The following KCNIP4 variants were observed in gnomAD, a reference collection of about 807,000 sequenced individuals.
The protein encoded by KCNIP4 is potassium voltage-gated channel interacting protein 4.
KCNIP4 carries 12 observed loss-of-function variants against 34.0 expected under a neutral mutation model. The ratio of observed to expected loss-of-function variants is 0.35; its 90% CI spans 0.23 to 0.57. The LOEUF (loss-of-function observed/expected upper bound fraction) is 0.57. Ranked by LOEUF, KCNIP4 falls within the 20% of genes least tolerant of loss-of-function variation. The pLI is 0.83. For missense variants in KCNIP4, 238 were observed against 311.7 expected (o/e 0.76, Z 1.78); for synonymous variants, 124 against 102.2 (o/e 1.21, Z -1.29).
intron 1 of KCNIP4, among the ~76,000 whole-genome samples, chr4:21,702,352 T>G (rs954342547): frequency 1.3e-5 from 2 of 152,106 alleles, no homozygotes; most frequent in Non-Finnish European, 2.9e-5. Context: ...CAAAACCCAA[T>G]GACCTCCAAA....
chr4:21,765,182 G>A (rs1239445366), intron 1 of KCNIP4, among the ~76,000 whole-genome samples: 2 of 141,572 alleles, frequency 1.4e-5, no homozygotes, highest in African/African-American at 5.2e-5. Context: ...CCGAGACAGA[G>A]TCTTGCTCTG....
chr4:21,932,052 C>T (rs1729599369), intron 1 of KCNIP4, among the ~76,000 whole-genome samples: 1 of 152,036 alleles, frequency 6.6e-6, no homozygotes, highest in Admixed American at 6.6e-5. Flanking sequence ...ACCCACACTG[C>T]ATGGATTCAA....
intron 5 of KCNIP4, among the ~76,000 whole-genome samples, chr4:20,746,550 G>T (rs934716585): frequency 1.3e-5 from 2 of 151,870 alleles, no homozygotes; most frequent in African/African-American, 4.8e-5. Flanking sequence ...ACTGATAACT[G>T]CTATAGTTAA....
intron 1 of KCNIP4, among the ~76,000 whole-genome samples, chr4:20,894,339 G>T (rs1026105049): frequency 4.6e-5 from 7 of 152,126 alleles, no homozygotes; most frequent in African/African-American, 1.7e-4. Context: ...GGATTACAAG[G>T]TGTATTTTCG....
chr4:21,334,547 C>T (rs1434649757), intron 1 of KCNIP4, among the ~76,000 whole-genome samples: 1 of 151,920 alleles, frequency 6.6e-6, no homozygotes, highest in Non-Finnish European at 1.5e-5. Flanking sequence ...AAAATTTACC[C>T]ACTTAAGTGT....
intron 1 of KCNIP4, among the ~76,000 whole-genome samples, chr4:21,443,166 A>G (rs1469848325): frequency 1.3e-5 from 2 of 152,172 alleles, no homozygotes; most frequent in African/African-American, 4.8e-5. Context: ...CATTGAAATA[A>G]TCTTCCAGCT....
intron 1 of KCNIP4, among the ~76,000 whole-genome samples, chr4:21,234,678 C>T (rs906274651): frequency 6.1e-5 from 9 of 148,720 alleles, no homozygotes; most frequent in African/African-American, 2.2e-4. Flanking sequence ...TAGTCAGACC[C>T]TCACTGTCAC....
chr4:21,039,495 A>G (rs1741763485), intron 1 of KCNIP4, among the ~76,000 whole-genome samples: 1 of 152,162 alleles, frequency 6.6e-6, no homozygotes, highest in South Asian at 2.1e-4. Flanking sequence ...ATTCTACTTT[A>G]TAGTACTCTA....
rs1392434479 is a variant in KCNIP4, at chr4:21,504,508, G to GAAAGAAAGAAAGA, written c.61+444062_61+444063insTCTTTCTTTCTTT. On this transcript the variant is annotated intron_variant, in intron 1 of 8. Transcript: ENST00000382152. ...GAAAGAAAGAAAGAAAGAAAGAAAG[G>GAAAGAAAGAAAGA]AAGGAAGGAAGAAAGCAAGCAAGCA... Among the ~76,000 whole-genome samples the GAAAGAAAGAAAGA allele has an allele frequency of 1.4e-3, 173 of 121,650 alleles. 1 individual carries two copies. The highest frequency in any genetic ancestry group is 5.2e-3 in the African/African-American group (171 of 32,906). 79.8% of individuals were successfully genotyped at this position (121,650 alleles called of 152,430 possible).
intron 1 of KCNIP4, chr4:21,844,000 A>G (rs1723850802): frequency 6.6e-6 from 1 of 152,074 alleles, no homozygotes; most frequent in Non-Finnish European, 1.5e-5. Context: ...ATAGTAACTG[A>G]AAGGAATAGT....
chr4:21,477,705 T>C (rs1039233578), intron 1 of KCNIP4, among the ~76,000 whole-genome samples: 11 of 152,222 alleles, frequency 7.2e-5, no homozygotes, highest in Non-Finnish European at 1.5e-4. Flanking sequence ...AAAATATTTA[T>C]GAATGGGTGT....
intron 1 of KCNIP4, among the ~76,000 whole-genome samples, chr4:21,837,824 T>A (rs1723446270): frequency 6.6e-6 from 1 of 152,122 alleles, no homozygotes. Context: ...AAGCTGATTA[T>A]CTGCCATTGC....
At chr4:21,228,177 G>T (rs138792929) in intron 1 of KCNIP4, among the ~76,000 whole-genome samples, 3,124 of 152,234 alleles carry the variant, frequency 0.021, 50 homozygotes, top group Non-Finnish European at 0.03. Context: ...CAGTGTTGGA[G>T]AAGGGGCCTA....
intron 4 of KCNIP4, among the ~76,000 whole-genome samples, chr4:20,754,767 A>G (rs1399663934): frequency 6.6e-6 from 1 of 152,184 alleles, no homozygotes; most frequent in Non-Finnish European, 1.5e-5. Flanking sequence ...GTTTAAGAAG[A>G]TGTTCTCTAA....
chr4:21,704,065 G>A (rs1360039393), intron 1 of KCNIP4, among the ~76,000 whole-genome samples: 3 of 152,144 alleles, frequency 2.0e-5, no homozygotes, highest in Admixed American at 2.0e-4. Context: ...TGCAAGAGCA[G>A]CTATTCAGTA....
At chr4:21,744,080 C>A (rs1371834033) in intron 1 of KCNIP4, among the ~76,000 whole-genome samples, 1 of 152,082 alleles carries the variant, frequency 6.6e-6, no homozygotes, top group African/African-American at 2.4e-5. Context: ...GCTACTACTG[C>A]AATGTCAAAT....
chr4:21,294,322 GAT>G (rs1307732521), intron 1 of KCNIP4, among the ~76,000 whole-genome samples: 1 of 152,088 alleles, frequency 6.6e-6, no homozygotes, highest in Non-Finnish European at 1.5e-5. Flanking sequence ...TCAACAACAA[GAT>G]CTGGGCCCTA....
At chr4:20,784,258 T>C (rs368560308) in intron 3 of KCNIP4, among the ~76,000 whole-genome samples, 1 of 152,290 alleles carries the variant, frequency 6.6e-6, no homozygotes, top group African/African-American at 2.4e-5. Context: ...TTCAAGTGCC[T>C]CGTTTTTAAT....
intron 1 of KCNIP4, among the ~76,000 whole-genome samples, chr4:21,755,345 T>G (rs539089728): frequency 5.0e-4 from 76 of 152,292 alleles, no homozygotes; most frequent in African/African-American, 1.8e-3. Flanking sequence ...TTAAGTTAAA[T>G]GAATGACTCA....
Sources: allele counts gnomAD v4.1 joint callset (sites outside exome capture counted in the v4.1 genomes callset), GRCh38; gene constraint gnomAD v4.1.1; transcripts MANE v1.5; gene names NCBI Gene and HGNC (gene_info 2026-07-23, HGNC 2026-07-21).